SLC25A26: variants seen among roughly 807,000 people sequenced by gnomAD.
SLC25A26 encodes mitochondrial S-adenosylmethionine carrier protein.
SLC25A26 carries 36 observed loss-of-function variants against 37.8 expected under a neutral mutation model. That is an observed-to-expected ratio of 0.95 (90% CI 0.73 to 1.26). The LOEUF (loss-of-function observed/expected upper bound fraction) is 1.26. Ranked by LOEUF, SLC25A26 falls within the 50% of genes most tolerant of loss-of-function variation. The pLI, the probability that SLC25A26 is intolerant of heterozygous loss-of-function variation, is 0.00. For missense variants in SLC25A26, 390 were observed against 331.1 expected (o/e 1.18, Z -1.38); for synonymous variants, 129 against 122.5 (o/e 1.05, Z -0.35).
chr3:66,247,224 C>T (rs2072889342), intron 3 of SLC25A26, among the ~76,000 whole-genome samples: 1 of 151,850 alleles, frequency 6.6e-6, no homozygotes, highest in Non-Finnish European at 1.5e-5. Flanking sequence ...GGACTTTACA[C>T]ATGAAATACT....
At chr3:66,251,934 T>C (rs1006513760) in intron 3 of SLC25A26, among the ~76,000 whole-genome samples, 1 of 151,968 alleles carries the variant, frequency 6.6e-6, no homozygotes, top group Non-Finnish European at 1.5e-5. Flanking sequence ...GAAGCTCTGT[T>C]AACTTTTTAT....
intron 1 of SLC25A26, among the ~76,000 whole-genome samples, chr3:66,138,650 G>A (rs540374873): frequency 6.6e-6 from 1 of 151,850 alleles, no homozygotes; most frequent in South Asian, 2.1e-4. Context: ...CAGGGGGAGG[G>A]GGGGTAGGGA....
At chr3:66,265,664 CTG>C (rs2073716168) in intron 5 of SLC25A26, among the ~76,000 whole-genome samples, 1 of 152,214 alleles carries the variant, frequency 6.6e-6, no homozygotes, top group Admixed American at 6.5e-5. Flanking sequence ...CATACCAACA[CTG>C]TTACTTGTGA....
intron 9 of SLC25A26, chr3:66,371,129 G>C: frequency 1.4e-6 from 2 of 1,419,022 alleles, no homozygotes. Context: ...ACATTGCTTT[G>C]ACACCATAAA....
chr3:66,151,548 A>T lies in SLC25A26; in HGVS notation c.-354+17564A>T, dbSNP rs551632847. ...AGCCTGACCCTTAGCCACCCCTTTA[A>T]GCTCATCATGAAGTTCCATGCCCAA... is the stretch of plus-strand genomic sequence containing the variant. On this transcript the variant is annotated intron_variant, in intron 1 of 10. Transcript: ENST00000676754. Among the ~76,000 whole-genome samples, 39 of 152,312 alleles carry T rather than the reference A, an allele frequency of 2.6e-4. 1 individual carries two copies. In the East Asian group the frequency reaches 7.3e-3, roughly 29 times the overall value.
chr3:66,189,565 A>G (rs987056744), intron 1 of SLC25A26, among the ~76,000 whole-genome samples: 1 of 152,030 alleles, frequency 6.6e-6, no homozygotes, highest in Middle Eastern at 3.4e-3. Flanking sequence ...ATACACTCAC[A>G]CTCTAGTTTC....
At chr3:66,137,388 G>T (rs535035112) in intron 1 of SLC25A26, among the ~76,000 whole-genome samples, 7 of 151,868 alleles carry the variant, frequency 4.6e-5, no homozygotes, top group Admixed American at 2.6e-4. Context: ...CACCAGGCCT[G>T]GGTAATTTCT....
intron 5 of SLC25A26, among the ~76,000 whole-genome samples, chr3:66,323,215 GT>G (rs2075744002): frequency 6.6e-6 from 1 of 152,148 alleles, no homozygotes; most frequent in Non-Finnish European, 1.5e-5. Flanking sequence ...AAGAGAGAGG[GT>G]TAGTAGATGC....
intron 5 of SLC25A26, among the ~76,000 whole-genome samples, chr3:66,282,025 G>T (rs1375579223): frequency 2.0e-4 from 14 of 70,860 alleles, no homozygotes; most frequent in Admixed American, 4.1e-4. Flanking sequence ...TTTTTTTTGA[G>T]ACGGAGTCTC....
chr3:66,268,907 T>G (rs1448616495), intron 5 of SLC25A26, among the ~76,000 whole-genome samples: 1 of 152,220 alleles, frequency 6.6e-6, no homozygotes, highest in Admixed American at 6.5e-5. Flanking sequence ...TCCCTTTGCC[T>G]TCTGCCATGA....
intron 1 of SLC25A26, among the ~76,000 whole-genome samples, chr3:66,190,312 CA>C (rs1221431441): frequency 5.4e-4 from 72 of 132,982 alleles, no homozygotes; most frequent in African/African-American, 8.9e-4. Context: ...GAAACCCTGT[CA>C]AAAAAAAAAA....
intron 1 of SLC25A26, among the ~76,000 whole-genome samples, chr3:66,190,692 A>C (rs1015624254): frequency 6.6e-6 from 1 of 152,118 alleles, no homozygotes; most frequent in Non-Finnish European, 1.5e-5. Context: ...GCCTCCCAAA[A>C]TGCTGGGATT....
At chr3:66,294,205 C>T (rs971251919) in intron 5 of SLC25A26, among the ~76,000 whole-genome samples, 2 of 152,050 alleles carry the variant, frequency 1.3e-5, no homozygotes, top group African/African-American at 4.8e-5. Flanking sequence ...TACCTCTGAG[C>T]AGTGTTTTCT....
intron 6 of SLC25A26, among the ~76,000 whole-genome samples, chr3:66,362,500 G>A (rs1330781725): frequency 6.6e-6 from 1 of 152,200 alleles, no homozygotes. Context: ...AGATCAGATT[G>A]CTTGGGGGAT....
At chr3:66,371,934 AAAAT>A (rs1441451737) in intron 9 of SLC25A26, among the ~76,000 whole-genome samples, 1 of 152,156 alleles carries the variant, frequency 6.6e-6, no homozygotes, top group Non-Finnish European at 1.5e-5. Context: ...CTGTCTCTAA[AAAAT>A]AAATAAATAA....
intron 6 of SLC25A26, among the ~76,000 whole-genome samples, chr3:66,346,915 T>C (rs2076339194): frequency 6.6e-6 from 1 of 152,032 alleles, no homozygotes; most frequent in African/African-American, 2.4e-5. Flanking sequence ...GACTGTCCCT[T>C]CCGTCTTGGT....
intron 5 of SLC25A26, among the ~76,000 whole-genome samples, chr3:66,305,720 G>T (rs1198962875): frequency 1.3e-5 from 2 of 151,972 alleles, no homozygotes; most frequent in Non-Finnish European, 2.9e-5. Context: ...GGTTTGGGTT[G>T]ATTCCTTGTC....
intron 1 of SLC25A26, among the ~76,000 whole-genome samples, chr3:66,171,769 C>T (rs574739945): frequency 2.0e-5 from 3 of 152,214 alleles, no homozygotes; most frequent in Admixed American, 6.5e-5. Context: ...GGATTACAGG[C>T]GTGAGCCACT....
intron 1 of SLC25A26, among the ~76,000 whole-genome samples, chr3:66,190,061 C>A (rs996570168): frequency 6.6e-6 from 1 of 152,090 alleles, no homozygotes. Flanking sequence ...CCTGGAATCC[C>A]GGCACTTTGG....
Sources: allele counts gnomAD v4.1 joint callset (sites outside exome capture counted in the v4.1 genomes callset), GRCh38; gene constraint gnomAD v4.1.1; transcripts MANE v1.5; gene names NCBI Gene and HGNC (gene_info 2026-07-23, HGNC 2026-07-21).